TBC1D14: variants seen among roughly 807,000 people sequenced by gnomAD.
TBC1D14 encodes the protein TBC1 domain family, member 14.
A neutral mutation model predicts 79.0 loss-of-function variants in TBC1D14; 26 were observed. The ratio of observed to expected loss-of-function variants is 0.33; its 90% CI spans 0.24 to 0.46. The LOEUF is 0.46. Among genes scored for constraint, TBC1D14 ranks in the 20% least tolerant of loss-of-function variants. TBC1D14 has a pLI of 1.00. For missense variants in TBC1D14, 769 were observed against 887.6 expected (o/e 0.87, Z 1.70); for synonymous variants, 394 against 349.9 (o/e 1.13, Z -1.40).
chr4:7,002,632 T>G (rs1283010913), intron 7 of TBC1D14, among the ~76,000 whole-genome samples: 1 of 152,170 alleles, frequency 6.6e-6, no homozygotes. Context: ...GCACTGGTAC[T>G]CAGGAAGCTG....
At chr4:6,967,905 G>A (rs999268277) in intron 3 of TBC1D14, among the ~76,000 whole-genome samples, 6 of 152,164 alleles carry the variant, frequency 3.9e-5, no homozygotes, top group Non-Finnish European at 7.4e-5. Flanking sequence ...CTACTTTTGG[G>A]GTGGGGATGG....
At chr4:6,960,722 G>A (rs565176196) in intron 2 of TBC1D14, among the ~76,000 whole-genome samples, 3 of 152,310 alleles carry the variant, frequency 2.0e-5, no homozygotes, top group Non-Finnish European at 2.9e-5. Context: ...GTATGGGACC[G>A]CACAGGCCCC....
chr4:7,026,625 A>G (rs1258949754), intron 13 of TBC1D14, among the ~76,000 whole-genome samples: 1 of 152,176 alleles, frequency 6.6e-6, no homozygotes, highest in Non-Finnish European at 1.5e-5. Context: ...GGCTGGGCAC[A>G]GTGGCTCACA....
chr4:6,930,381 CAG>C (rs1256271426), intron 2 of TBC1D14, among the ~76,000 whole-genome samples: 2 of 152,122 alleles, frequency 1.3e-5, no homozygotes, highest in African/African-American at 2.4e-5. Context: ...TGGCCATCGA[CAG>C]GGGAGGGAGA....
chr4:6,991,727 T>TA (rs200861700), intron 3 of TBC1D14, among the ~76,000 whole-genome samples: 1,807 of 152,062 alleles, frequency 0.012, 16 homozygotes, highest in Middle Eastern at 0.038. Flanking sequence ...CAGCATGGTC[T>TA]AGGGTGGAGC....
At chr4:6,916,822 C>G (rs1001204849) in intron 1 of TBC1D14, among the ~76,000 whole-genome samples, 1 of 152,234 alleles carries the variant, frequency 6.6e-6, no homozygotes, top group African/African-American at 2.4e-5. Flanking sequence ...GACTTGTGTT[C>G]AGTGCCTCCC....
intron 3 of TBC1D14, among the ~76,000 whole-genome samples, chr4:6,969,460 C>T (rs1416405751): frequency 6.6e-6 from 1 of 151,938 alleles, no homozygotes; most frequent in Non-Finnish European, 1.5e-5. Context: ...GGCTGGAGTG[C>T]AGTGGTGCGA....
chr4:7,021,850 G>C (rs1721869230), intron 12 of TBC1D14, among the ~76,000 whole-genome samples: 1 of 152,220 alleles, frequency 6.6e-6, no homozygotes, highest in Non-Finnish European at 1.5e-5. Context: ...AGGCCAAGGG[G>C]CCCTTCCCGT....
intron 3 of TBC1D14, among the ~76,000 whole-genome samples, chr4:6,978,154 C>T (rs1432439210): frequency 3.1e-5 from 4 of 128,694 alleles, no homozygotes; most frequent in African/African-American, 6.1e-5. Flanking sequence ...CCGCCCCGTC[C>T]GGGAGGTGAG....
chr4:7,001,026 A>C, intron 6 of TBC1D14, 119 bp from the exon 7 acceptor site: 1 of 741,398 alleles, frequency 1.3e-6, no homozygotes, highest in Non-Finnish European at 2.3e-6. Context: ...TCCTGAGGGC[A>C]GGGGCTGTGC....
intron 9 of TBC1D14, chr4:7,007,464 G>A (rs1371744619): frequency 8.8e-7 from 1 of 1,130,060 alleles, no homozygotes; most frequent in African/African-American, 1.6e-5. Context: ...TGCGGGGGCA[G>A]TTGTTCTTGC....
At chr4:6,984,935 A>G (rs539560360) in intron 3 of TBC1D14, among the ~76,000 whole-genome samples, 17 of 152,322 alleles carry the variant, frequency 1.1e-4, no homozygotes, top group African/African-American at 4.1e-4. Context: ...TGAACGCCGA[A>G]GAGATGGTGC....
chr4:6,940,261 A>G (rs1712776620), intron 2 of TBC1D14, among the ~76,000 whole-genome samples: 2 of 152,226 alleles, frequency 1.3e-5, no homozygotes, highest in Non-Finnish European at 1.5e-5. Flanking sequence ...TCAGATTAGT[A>G]CATTTCCACC....
intron 3 of TBC1D14, among the ~76,000 whole-genome samples, chr4:6,984,662 C>G (rs187710093): frequency 6.6e-6 from 1 of 152,318 alleles, no homozygotes; most frequent in Non-Finnish European, 1.5e-5. Context: ...GGTTTCATGT[C>G]TGCCCTCCCA....
intron 7 of TBC1D14, among the ~76,000 whole-genome samples, chr4:7,003,407 A>C (rs971244508): frequency 6.6e-6 from 1 of 152,220 alleles, no homozygotes; most frequent in Non-Finnish European, 1.5e-5. Context: ...AAGCAGGTGG[A>C]AGTGCCACCA....
chr4:6,939,323 G>GC (rs1017144203), intron 2 of TBC1D14, among the ~76,000 whole-genome samples: 77 of 151,346 alleles, frequency 5.1e-4, no homozygotes, highest in South Asian at 1.3e-3. Flanking sequence ...ATCCACAGGA[G>GC]CCCCCCCCAG....
chr4:6,958,602 A>G (rs1372064655), intron 2 of TBC1D14, among the ~76,000 whole-genome samples: 2 of 152,016 alleles, frequency 1.3e-5, no homozygotes, highest in African/African-American at 4.8e-5. Flanking sequence ...GCTTATTTTT[A>G]TTTTAAATGT....
intron 3 of TBC1D14, chr4:6,987,330 C>T: frequency 2.8e-6 from 4 of 1,418,070 alleles, no homozygotes; most frequent in Non-Finnish European, 3.7e-6. Flanking sequence ...CCGCGCGCCT[C>T]TAAGGCCCCG....
chr4:6,974,933 A>G (rs1220124951), intron 3 of TBC1D14, among the ~76,000 whole-genome samples: 2 of 151,346 alleles, frequency 1.3e-5, no homozygotes, highest in Admixed American at 6.6e-5. Flanking sequence ...TTTGTTTGAG[A>G]TGGAGTCTTG....
Sources: gnomAD v4.1 joint callset for allele counts (sites outside exome capture counted in the v4.1 genomes callset) on GRCh38, gnomAD v4.1.1 for gene constraint, MANE v1.5 for transcripts, NCBI Gene and HGNC (gene_info 2026-07-23, HGNC 2026-07-21) for gene names.